JHY: variants seen among roughly 807,000 people sequenced by gnomAD.
The protein encoded by JHY is jhy protein homolog.
JHY carries 69 observed loss-of-function variants against 78.0 expected under a neutral mutation model. The ratio of observed to expected loss-of-function variants is 0.88; its 90% CI spans 0.73 to 1.08. The LOEUF is 1.08. Among genes scored for constraint, JHY ranks in the 50% least tolerant of loss-of-function variants. JHY has a pLI of 0.00. For synonymous variants in JHY, 368 were observed against 342.6 expected, an observed-to-expected ratio of 1.07 and a Z score of -0.82; for missense variants, 944 against 927.8, an observed-to-expected ratio of 1.02 and a Z score of -0.23.
chr11:122,915,064 A>G (rs1043451889), intron 3 of JHY, among the ~76,000 whole-genome samples: 3 of 152,174 alleles, frequency 2.0e-5, no homozygotes, highest in Non-Finnish European at 4.4e-5. Flanking sequence ...AAAATTTTCC[A>G]CATAACCAAA....
At chr11:122,920,146 G>A (rs1414005715) in intron 3 of JHY, among the ~76,000 whole-genome samples, 1 of 152,212 alleles carries the variant, frequency 6.6e-6, no homozygotes, top group Admixed American at 6.5e-5. Context: ...TCGACACACA[G>A]CAAGGTATAT....
chr11:122,932,802 C>T (rs975601470), intron 4 of JHY, among the ~76,000 whole-genome samples: 1 of 152,060 alleles, frequency 6.6e-6, no homozygotes, highest in Non-Finnish European at 1.5e-5. Context: ...CCTTCCTGCC[C>T]GCATTTCCCC....
intron 4 of JHY, among the ~76,000 whole-genome samples, chr11:122,930,003 T>A (rs1043808024): frequency 6.6e-6 from 1 of 152,136 alleles, no homozygotes; most frequent in Non-Finnish European, 1.5e-5. Context: ...GAGGTCAGCA[T>A]GAGAGATGGG....
chr11:122,891,638 G>C (rs1862615935), intron 2 of JHY, among the ~76,000 whole-genome samples: 1 of 151,332 alleles, frequency 6.6e-6, no homozygotes, highest in South Asian at 2.1e-4. Context: ...CTTGTTAACA[G>C]GAATATTTAT....
At chr11:122,885,416 G>A (rs974493015) in intron 1 of JHY, among the ~76,000 whole-genome samples, 21 of 152,122 alleles carry the variant, frequency 1.4e-4, no homozygotes, top group African/African-American at 4.1e-4. Context: ...TTGAAATAAG[G>A]CTATCAAAGT....
At position 122,959,249 on chromosome 11, in the gene JHY, C is replaced by G. The variant is rs1565342198; in HGVS notation, c.2141C>G (p.Ala714Gly). 4 of 1,613,164 alleles carry G rather than the reference C, an allele frequency of 2.5e-6. No individual in the cohort carries two copies. The change falls in exon 9 of 9, where the codon GCT becomes GGT. Residue 714 changes from alanine (A) to glycine (G), a missense_variant and splice_region_variant. Physicochemically the swap from Ala to Gly is moderately conservative, Grantham distance 60 (BLOSUM62 0). Coordinates refer to ENST00000227349, the MANE Select transcript of JHY (RefSeq NM_024806.4). The stretch of plus-strand genomic sequence containing the variant: ...AAAATTTCATCTTTATGCGTTTAGG[C>G]TTTGGAATACGCTAAGACCATCCCC... The part of the protein sequence containing the change: ...QKKSAIPRQK[A>G]LEYAKTIPKP...
At chr11:122,897,919 T>G (rs758775777) in intron 2 of JHY, among the ~76,000 whole-genome samples, 1 of 152,224 alleles carries the variant, frequency 6.6e-6, no homozygotes, top group Non-Finnish European at 1.5e-5. Context: ...TGGGCATTAC[T>G]CAGTTATTCA....
intron 2 of JHY, among the ~76,000 whole-genome samples, chr11:122,894,573 C>T (rs571632859): frequency 9.1e-4 from 138 of 152,214 alleles, no homozygotes; most frequent in Middle Eastern, 3.2e-3. Context: ...TGTGAAGATG[C>T]AGCCTTGGTT....
chr11:122,959,418 T>C lies in JHY; in HGVS notation c.2310T>C (p.Ala770=). The C allele has an allele frequency of 6.2e-7, 1 of 1,614,140 alleles. No individual in the cohort carries two copies. The highest frequency in any genetic ancestry group is 1.1e-5 in the South Asian group (1 of 91,084). The change falls in exon 9 of 9, where the codon GCT becomes GCC. Residue 770 remains alanine, a synonymous_variant. Coordinates refer to ENST00000227349, the MANE Select transcript of JHY (RefSeq NM_024806.4). ...ACGAAAGGGAAAAACAGGCTGTGGC[T>C]GCTTTCAAAGTCCTTCACATCGTAT... The part of the protein sequence containing the change: ...NRHEREKQAV[A]AFKVLHIV
chr11:122,884,323 A>C lies in JHY; in HGVS notation c.-90+1351A>C, dbSNP rs139290157. Among the ~76,000 whole-genome samples, 206 of 152,318 alleles carry C rather than the reference A, an allele frequency of 1.4e-3. 4 individuals carry two copies. Among genetic ancestry groups the C allele is most frequent in the Non-Finnish European group, 2.1e-3 (144 of 68,030 alleles). ...CAACATTATAAGCAATCCTAGGAAT[A>C]GTAATAAGGTTGTGTCATTTAATTA... On this transcript the variant is annotated intron_variant, in intron 1 of 8. Coordinates refer to ENST00000227349, the MANE Select transcript of JHY (RefSeq NM_024806.4).
At chr11:122,884,279 CA>C (rs1862447554) in intron 1 of JHY, among the ~76,000 whole-genome samples, 1 of 152,106 alleles carries the variant, frequency 6.6e-6, no homozygotes, top group African/African-American at 2.4e-5. Context: ...ATGCTCCTTG[CA>C]AACATTAGCA....
chr11:122,925,127 C>G (rs1014346763), intron 4 of JHY, 117 bp downstream of exon 4: 39 of 806,834 alleles, frequency 4.8e-5, no homozygotes, highest in Non-Finnish European at 7.4e-5. Flanking sequence ...GAATAATTAC[C>G]CACTTTCCTA....
intron 3 of JHY, among the ~76,000 whole-genome samples, chr11:122,909,790 TTAAA>T (rs1331320279): frequency 6.6e-6 from 1 of 151,710 alleles, no homozygotes; most frequent in East Asian, 1.9e-4. Flanking sequence ...AAAAAATAAA[TTAAA>T]TAAATAAATA....
Position 122,882,858 on chromosome 11 carries a change from T to A in JHY, c.-204T>A, listed in dbSNP as rs1862407840. 2.6e-5 allele frequency: 4 copies of A among 152,606 alleles called. No homozygotes were observed. The highest frequency in any genetic ancestry group is 1.8e-4 in the South Asian group (1 of 5,672). The allele number at this position is 152,606 out of a possible 1,614,324, so 9.5% of individuals were successfully genotyped here. ...CGCCCATGTGGCGCCGGCGTCTGTG[T>A]TGTCTGCGGTCTCCAGGGCAGCGCC... On this transcript the variant is annotated 5_prime_UTR_variant, in exon 1 of 9. The change creates a new upstream start codon in the 5' untranslated region. Transcript: ENST00000227349.
At chr11:122,915,422 G>T (rs1208599207) in intron 3 of JHY, among the ~76,000 whole-genome samples, 1 of 152,228 alleles carries the variant, frequency 6.6e-6, no homozygotes, top group East Asian at 1.9e-4. Flanking sequence ...AAAGGTGCCT[G>T]ACTGTCCAGG....
In JHY at chr11:122,927,885, C is replaced by T. The variant is rs544560407; in HGVS notation, c.978+2875C>T. Among the ~76,000 whole-genome samples the T allele has an allele frequency of 3.9e-5, 6 of 152,136 alleles. No individual in the cohort carries two copies. The South Asian group carries it at 1.2e-3, about 32-fold the overall frequency. On this transcript the variant is annotated intron_variant, in intron 4 of 8. Coordinates refer to ENST00000227349, the MANE Select transcript of JHY (RefSeq NM_024806.4). ...AGCTGGGATTACAGGCACCCACCAC[C>T]ACGCCCAGCTAATTTTTGTATTTTT...
At chr11:122,946,905 C>T (rs567710502) in intron 6 of JHY, 113 bp downstream of exon 6, 10 of 1,308,246 alleles carry the variant, frequency 7.6e-6, no homozygotes, top group Admixed American at 2.6e-5. Context: ...TGCTGCCACA[C>T]TGGGTCGCCC....
intron 5 of JHY, among the ~76,000 whole-genome samples, chr11:122,941,320 C>T (rs1863871199): frequency 6.6e-6 from 1 of 152,204 alleles, no homozygotes; most frequent in Non-Finnish European, 1.5e-5. Flanking sequence ...AGTGGGGTCA[C>T]ACAGATACCT....
chr11:122,885,025 G>C (rs7935901), intron 1 of JHY, among the ~76,000 whole-genome samples: 19,640 of 150,084 alleles, frequency 0.13, 1,530 homozygotes, highest in African/African-American at 0.2. Context: ...GCCCGGGGTG[G>C]TCTTGAACTC....
Sources: allele counts gnomAD v4.1 joint callset (sites outside exome capture counted in the v4.1 genomes callset), GRCh38; gene constraint gnomAD v4.1.1; transcripts MANE v1.5; gene names NCBI Gene and HGNC (gene_info 2026-07-23, HGNC 2026-07-21).